FADS1: variants seen among roughly 807,000 people sequenced by gnomAD.
FADS1 encodes acyl-CoA (8-3)-desaturase.
In FADS1, 17 loss-of-function variants were observed where a neutral mutation model predicts 61.6. The observed-to-expected ratio is 0.28, with a 90% CI of 0.19 to 0.41. FADS1 has a LOEUF of 0.41. FADS1 is among the 10% of genes least tolerant of loss of function. The probability of loss-of-function intolerance (pLI) is 1.00; values close to 1 mark genes in which losing one functional copy is unlikely to be tolerated. For synonymous variants in FADS1, 238 were observed against 258.7 expected (o/e 0.92, Z 0.77); for missense variants, 387 against 650.9 (o/e 0.59, Z 4.41).
Position 61,816,468 on chromosome 11 carries a change from T to G in FADS1, c.375+87A>C, listed in dbSNP as rs1161163468. On this transcript the variant is annotated intron_variant, in intron 1 of 11. Transcript: ENST00000350997. The surrounding 1 kb of genome is among the most constrained non-coding windows in gnomAD (Gnocchi z 7.0). Reference sequence around the variant, plus strand: ...CCGGGCTTTCCTCCGAATTAGTCGGTGTTTGGCTCGGAGTGCGTAACTCTG... The same window carrying G: ...CCGGGCTTTCCTCCGAATTAGTCGGGGTTTGGCTCGGAGTGCGTAACTCTG... 3.1e-6 allele frequency: 5 copies of G among 1,600,886 alleles called. No homozygotes were observed. Among genetic ancestry groups the G allele is most frequent in the Admixed American group, 1.7e-5 (1 of 59,912 alleles).
chr11:61,809,069 C>T (rs1044512460), intron 5 of FADS1, among the ~76,000 whole-genome samples: 7 of 152,216 alleles, frequency 4.6e-5, no homozygotes, highest in African/African-American at 1.7e-4. Context: ...TCTGGCCCCT[C>T]CCTAGTTTTC....
rs751169770 is a variant in FADS1 at position 61,803,931 on chromosome 11, T to G, written c.1054-164A>C. 6.4e-6 allele frequency: 4 copies of G among 620,640 alleles called. No homozygotes were observed. The highest frequency in any genetic ancestry group is 1.2e-5 in the Non-Finnish European group (4 of 347,564). The allele number at this position is 620,640 out of a possible 1,614,324, so 38.4% of individuals were successfully genotyped here. On this transcript the variant is annotated intron_variant, in intron 7 of 11. Coordinates refer to ENST00000350997, the MANE Select transcript of FADS1 (RefSeq NM_013402.7). This position sits in a 1 kb window ranked among gnomAD's most constrained non-coding sequence, Gnocchi z 4.3. ...TGCAGTATCTAGTGCCACTGCTCCT[T>G]TCTTCCATTCCCATTGGCACCCCCC...
chr11:61,806,749 G>A, intron 5 of FADS1, 25 bp from the exon 6 acceptor site: 1 of 1,608,758 alleles, frequency 6.2e-7, no homozygotes, highest in South Asian at 1.1e-5. Flanking sequence ...AAACACATGA[G>A]CATTCGGAGA....
intron 5 of FADS1, among the ~76,000 whole-genome samples, chr11:61,809,606 C>A (rs1039836520): frequency 7.2e-5 from 11 of 152,212 alleles, no homozygotes; most frequent in Admixed American, 3.3e-4. Context: ...TTCCACTTAA[C>A]CTGCCCATGT....
Position 61,815,994 on chromosome 11 carries a change from A to G in FADS1, c.375+561T>C. 2.0e-6 allele frequency: 1 copy of G among 488,930 alleles called. No homozygotes were observed. Among genetic ancestry groups the G allele is most frequent in the Non-Finnish European group, 3.7e-6 (1 of 270,488 alleles). The allele number at this position is 488,930 out of a possible 1,614,324, so 30.3% of individuals were successfully genotyped here. On this transcript the variant is annotated intron_variant, in intron 1 of 11. Coordinates refer to ENST00000350997, the MANE Select transcript of FADS1 (RefSeq NM_013402.7). The surrounding 1 kb of genome is among the most constrained non-coding windows in gnomAD (Gnocchi z 6.4). ...GCGTCCTCCAGTCTTCACACGACGC[A>G]GGGGTCCCCAAGGCAGCGGTCTCCC...
chr11:61,808,267 C>T (rs1335479098), intron 5 of FADS1, among the ~76,000 whole-genome samples: 14 of 150,838 alleles, frequency 9.3e-5, no homozygotes, highest in Non-Finnish European at 1.5e-4. Context: ...ACTCGGGAGG[C>T]GGAGGTTGTA....
Position 61,806,662 on chromosome 11 carries a change from A to G in FADS1, c.976+2T>C. ...TCCCCTGTGTTGGATGGGGACACTCACTTAGGAAGAAGTATTTGTGCTGGT... is the reference window on the plus strand; with the variant it reads ...TCCCCTGTGTTGGATGGGGACACTCGCTTAGGAAGAAGTATTTGTGCTGGT... On this transcript the variant is annotated splice_donor_variant, in intron 6 of 11. Transcript: ENST00000350997. LOFTEE classifies it high-confidence loss of function. The G allele has an allele frequency of 6.2e-7, 1 of 1,613,712 alleles. No individual in the cohort carries two copies. Among genetic ancestry groups the G allele is most frequent in the Non-Finnish European group, 8.5e-7 (1 of 1,179,618 alleles).
At chr11:61,812,716 T>C (rs2135939859) in intron 2 of FADS1, 48 bp from the exon 3 acceptor site, 1 of 1,550,020 alleles carries the variant, frequency 6.5e-7, no homozygotes, top group South Asian at 1.2e-5. Flanking sequence ...TGCACCCCAA[T>C]GCTACTGGAG....
rs772942176 is a variant in FADS1, at chr11:61,804,782, AAG to A, written c.977-23_977-22del. 6 of 1,606,200 alleles carry A rather than the reference AAG, an allele frequency of 3.7e-6. No homozygotes were observed. The South Asian group carries it at 5.5e-5, about 15-fold the overall frequency. ...CCCAACTGGGGAGGAAACCGAGACA[AAG>A]AGGAGGCATGAGCACAGGAAGGTCA... On this transcript the variant is annotated intron_variant, in intron 6 of 11. Transcript: ENST00000350997.
chr11:61,803,275 G>C lies in FADS1; in HGVS notation c.1248+88C>G, dbSNP rs575241667. ...TCAGGCTAATGAGAAAATGCTGTTT[G>C]GGGGACTTTTTGTTTTTGCTGTTTT... On this transcript the variant is annotated intron_variant, in intron 9 of 11. Transcript: ENST00000350997. This position sits in a 1 kb window ranked among gnomAD's most constrained non-coding sequence, Gnocchi z 4.3. 4.6e-6 allele frequency: 6 copies of C among 1,302,452 alleles called. No individual in the cohort carries two copies. In the African/African-American group the frequency reaches 8.7e-5, roughly 19 times the overall value. 80.7% of individuals were successfully genotyped at this position (1,302,452 alleles called of 1,614,324 possible). A position where few individuals can be genotyped will look rare whatever the true frequency, so the allele number is the denominator to read the frequency against.
chr11:61,814,216 G>C (rs2066953929), intron 1 of FADS1: 1 of 152,686 alleles, frequency 6.5e-6, no homozygotes, highest in African/African-American at 2.4e-5. Context: ...TCCTGACACA[G>C]AAGCACAGGC....
chr11:61,816,337 TCCATCCCCACTCC>T lies in FADS1; in HGVS notation c.375+205_375+217del. The T allele has an allele frequency of 5.6e-6, 9 of 1,598,368 alleles. No individual in the cohort carries two copies. The highest frequency in any genetic ancestry group is 7.6e-6 in the Non-Finnish European group (9 of 1,179,794). ...TGTTTGTGTGTGCGTGTTGTTGGCC[TCCATCCCCACTCC>T]CCAGACTCCACTTCTCCAGGCCTCT... On this transcript the variant is annotated intron_variant, in intron 1 of 11. Coordinates refer to ENST00000350997, the MANE Select transcript of FADS1 (RefSeq NM_013402.7). The surrounding 1 kb of genome is among the most constrained non-coding windows in gnomAD (Gnocchi z 7.0).
intron 3 of FADS1, 91 bp downstream of exon 3, chr11:61,812,380 G>A: frequency 8.7e-7 from 1 of 1,153,142 alleles, no homozygotes; most frequent in Non-Finnish European, 1.3e-6. Flanking sequence ...TGCTTGGAGG[G>A]CAGGCACTCT....
chr11:61,812,728 C>T (rs1049118694), intron 2 of FADS1, 60 bp from the exon 3 acceptor site: 130 of 1,496,256 alleles, frequency 8.7e-5, no homozygotes, highest in Non-Finnish European at 1.1e-4. Flanking sequence ...CTACTGGAGA[C>T]AAGGGCCCTC....
rs1282311496 is a variant in FADS1 at position 61,799,948 on chromosome 11, A to G, written c.*2463T>C. On this transcript the variant is annotated 3_prime_UTR_variant, in exon 12 of 12. Transcript: ENST00000350997. ...ACTGTGTGTCCCTTTGTGGCCATGT[A>G]AGAGACCACACTGCTGTAGGCTGAG... The G allele has an allele frequency of 6.5e-6, 1 of 152,760 alleles. No homozygotes were observed. The highest frequency in any genetic ancestry group is 1.9e-4 in the East Asian group (1 of 5,336). The allele number at this position is 152,760 out of a possible 1,614,324, so 9.5% of individuals were successfully genotyped here. A position where few individuals can be genotyped will look rare whatever the true frequency, so the allele number is the denominator to read the frequency against.
Position 61,802,949 on chromosome 11 carries a change from A to C in FADS1, c.1329-23T>G. On this transcript the variant is annotated intron_variant, in intron 10 of 11. Transcript: ENST00000350997. The surrounding 1 kb of genome is among the most constrained non-coding windows in gnomAD (Gnocchi z 4.2). ...AGACTTTAGGGAGAACGGGGGAGTC[A>C]GTGGTTCCTGCTTCTCTGCTCCCAC... 1.9e-6 allele frequency: 3 copies of C among 1,612,932 alleles called. No homozygotes were observed. The highest frequency in any genetic ancestry group is 2.5e-6 in the Non-Finnish European group (3 of 1,179,104).
At chr11:61,811,274 T>C (rs536098029) in intron 3 of FADS1, among the ~76,000 whole-genome samples, 199 bp from the exon 4 acceptor site, 7 of 152,104 alleles carry the variant, frequency 4.6e-5, no homozygotes, top group Admixed American at 3.3e-4. Context: ...CCATCCCTTC[T>C]CTGTTCTTCT....
rs1044708583 is a variant in FADS1, at chr11:61,801,263, T to C, written c.*1148A>G. Reference sequence around the variant, plus strand: ...CTCCCAATTTGGTCACTTCTGCTAATTGCTATTTTATTAAACTTGAAATTT... The same window carrying C: ...CTCCCAATTTGGTCACTTCTGCTAACTGCTATTTTATTAAACTTGAAATTT... On this transcript the variant is annotated 3_prime_UTR_variant, in exon 12 of 12. Transcript: ENST00000350997. 1.3e-5 allele frequency: 2 copies of C among 152,372 alleles called. No homozygotes were observed. The highest frequency in any genetic ancestry group is 1.3e-4 in the Admixed American group (2 of 15,284). 9.4% of individuals were successfully genotyped at this position (152,372 alleles called of 1,614,324 possible). A position where few individuals can be genotyped will look rare whatever the true frequency, so the allele number is the denominator to read the frequency against.
rs1205469849 is a variant in FADS1 at position 61,802,487 on chromosome 11, CAGTG to C, written c.1455-29_1455-26del. On this transcript the variant is annotated intron_variant, in intron 11 of 11. Coordinates refer to ENST00000350997, the MANE Select transcript of FADS1 (RefSeq NM_013402.7). The surrounding 1 kb of genome is among the most constrained non-coding windows in gnomAD (Gnocchi z 4.2). ...GCTGCAGGGACAAAATGGGGGCAGA[CAGTG>C]AGGGAGACAAGCAGAGTTGAACCCA... 4 of 1,556,178 alleles carry C rather than the reference CAGTG, an allele frequency of 2.6e-6. No homozygotes were observed. The highest frequency in any genetic ancestry group is 1.4e-5 in the African/African-American group (1 of 73,352).
Sources: allele counts gnomAD v4.1 joint callset (sites outside exome capture counted in the v4.1 genomes callset), GRCh38; gene constraint gnomAD v4.1.1; non-coding constraint Gnocchi (gnomAD v3.1); transcripts MANE v1.5; gene names NCBI Gene and HGNC (gene_info 2026-07-23, HGNC 2026-07-21).